The following BLMH variants were observed in gnomAD, a reference collection of about 807,000 sequenced individuals.
BLMH encodes bleomycin hydrolase.
A neutral mutation model predicts 61.6 loss-of-function variants in BLMH; 32 were observed. That is an observed-to-expected ratio of 0.52 (90% CI 0.39 to 0.70). The LOEUF (loss-of-function observed/expected upper bound fraction) is 0.70, where lower values mean the gene tolerates loss of function less well. Among genes scored for constraint, BLMH ranks in the 30% least tolerant of loss-of-function variants. The pLI, the probability that BLMH is intolerant of heterozygous loss-of-function variation, is 0.00. For synonymous variants in BLMH, 183 were observed against 193.8 expected (o/e 0.94, Z 0.46); for missense variants, 460 against 555.5 (o/e 0.83, Z 1.73).
At chr17:30,261,956 A>G (rs1023788223) in intron 11 of BLMH, among the ~76,000 whole-genome samples, 5 of 152,248 alleles carry the variant, frequency 3.3e-5, no homozygotes, top group Admixed American at 3.3e-4. Context: ...AGGAACAGAG[A>G]GGCTCACTTG....
rs1907600523 is a variant in BLMH at position 30,248,955 on chromosome 17, T to C, written c.*62A>G. The C allele has an allele frequency of 6.3e-7, 1 of 1,590,974 alleles. No individual in the cohort carries two copies. The highest frequency in any genetic ancestry group is 8.6e-7 in the Non-Finnish European group (1 of 1,167,822). ...CTTGCATAACTTTGGCTTCAGTCCC[T>C]GGATCTGTCCTTTGCAGCTACGTCA... On this transcript the variant is annotated 3_prime_UTR_variant, in exon 12 of 12. Coordinates refer to ENST00000261714, the MANE Select transcript of BLMH (RefSeq NM_000386.4).
At chr17:30,274,243 G>A in intron 6 of BLMH, 46 bp from the exon 7 acceptor site, 6 of 1,576,944 alleles carry the variant, frequency 3.8e-6, no homozygotes, top group Non-Finnish European at 5.2e-6. Flanking sequence ...AGGGGGAAAT[G>A]TTATTTTTTT....
chr17:30,272,992 C>A, intron 7 of BLMH, 93 bp from the exon 8 acceptor site: 1 of 1,389,424 alleles, frequency 7.2e-7, no homozygotes, highest in Non-Finnish European at 9.9e-7. Context: ...CCATCAAGCT[C>A]ATCATCTCTG....
chr17:30,290,499 T>C (rs1434070281), intron 2 of BLMH, among the ~76,000 whole-genome samples: 1 of 152,232 alleles, frequency 6.6e-6, no homozygotes, highest in East Asian at 1.9e-4. Flanking sequence ...TCAGGTATAA[T>C]GTACATACAA....
intron 5 of BLMH, among the ~76,000 whole-genome samples, chr17:30,285,880 T>G (rs1908713648): frequency 1.3e-5 from 2 of 152,194 alleles, no homozygotes; most frequent in Admixed American, 6.5e-5. Flanking sequence ...CCATTTTTCC[T>G]TCTCTGCCGG....
chr17:30,262,869 G>A (rs773773240), intron 11 of BLMH, among the ~76,000 whole-genome samples: 10 of 152,110 alleles, frequency 6.6e-5, no homozygotes, highest in Non-Finnish European at 1.3e-4. Flanking sequence ...CAAAATTCAG[G>A]GAAATTTTGG....
Position 30,271,236 on chromosome 17 carries a change from T to C in BLMH, c.1146+35A>G, listed in dbSNP as rs372886708. The C allele has an allele frequency of 3.9e-4, 551 of 1,429,584 alleles. 1 individual carries two copies. The highest frequency in any genetic ancestry group is 4.9e-4 in the Non-Finnish European group (496 of 1,012,204). 88.6% of individuals were successfully genotyped at this position (1,429,584 alleles called of 1,614,324 possible). A position where few individuals can be genotyped will look rare whatever the true frequency, so the allele number is the denominator to read the frequency against. The stretch of plus-strand genomic sequence containing the variant: ...CTACAGGAGAATGTAGATCCATCTG[T>C]GCAAACACTCCAGCAGGCATGCTGA... On this transcript the variant is annotated intron_variant, in intron 10 of 11. Coordinates refer to ENST00000261714, the MANE Select transcript of BLMH (RefSeq NM_000386.4).
rs372886708 is a variant in BLMH, at chr17:30,271,236, T to G, written c.1146+35A>C. 4 of 1,429,708 alleles carry G rather than the reference T, an allele frequency of 2.8e-6. No homozygotes were observed. The East Asian group carries it at 9.1e-5, about 33-fold the overall frequency. 88.6% of individuals were successfully genotyped at this position (1,429,708 alleles called of 1,614,324 possible). On this transcript the variant is annotated intron_variant, in intron 10 of 11. Transcript: ENST00000261714. ...CTACAGGAGAATGTAGATCCATCTG[T>G]GCAAACACTCCAGCAGGCATGCTGA...
chr17:30,291,864 T>C lies in BLMH; in HGVS notation c.-45A>G. ...GGGGTAACGGTAGCTTCCAGGGTCC[T>C]TGGGCGAGCGCCGGGATTGCGCTGC... On this transcript the variant is annotated 5_prime_UTR_variant, in exon 1 of 12. Coordinates refer to ENST00000261714, the MANE Select transcript of BLMH (RefSeq NM_000386.4). The C allele has an allele frequency of 7.7e-7, 1 of 1,291,886 alleles. No individual in the cohort carries two copies. Among genetic ancestry groups the C allele is most frequent in the Non-Finnish European group, 9.8e-7 (1 of 1,024,288 alleles). The allele number at this position is 1,291,886 out of a possible 1,614,324, so 80.0% of individuals were successfully genotyped here.
intron 5 of BLMH, 97 bp from the exon 6 acceptor site, chr17:30,285,577 C>G: frequency 1.2e-6 from 1 of 853,136 alleles, no homozygotes; most frequent in African/African-American, 1.7e-5. Flanking sequence ...AGGTATAACT[C>G]AGGCCAGACC....
chr17:30,270,270 C>T (rs1323380203), intron 10 of BLMH, among the ~76,000 whole-genome samples: 1 of 152,088 alleles, frequency 6.6e-6, no homozygotes, highest in Non-Finnish European at 1.5e-5. Flanking sequence ...GAAGCTGAGG[C>T]GGGCAGATCA....
rs760721245 is a variant in BLMH at position 30,287,922 on chromosome 17, C to T, written c.347G>A (p.Ser116Asn). The stretch of plus-strand genomic sequence containing the variant: ...TCTCTGGGCTGTGTCCACAAAAGCA[C>T]TCAAGAAGAAATAACAGCGTTCAAC... ...DKVERCYFFL[S>N]AFVDTAQRKE... The change falls in exon 4 of 12, where the codon AGT (serine) becomes AAT (asparagine). Residue 116 changes from serine (S) to asparagine (N), a missense_variant. Ser to Asn is a conservative substitution (Grantham distance 46, BLOSUM62 1). Around this residue, in one of 5 missense-constraint regions of BLMH, gnomAD observed 43 missense variants for 38.8 expected, o/e 1.11. Coordinates refer to ENST00000261714, the MANE Select transcript of BLMH (RefSeq NM_000386.4). 1.1e-5 allele frequency: 17 copies of T among 1,613,614 alleles called. No homozygotes were observed. In the East Asian group the frequency reaches 3.3e-4, roughly 32 times the overall value.
At chr17:30,254,841 A>G (rs1022775821) in intron 11 of BLMH, among the ~76,000 whole-genome samples, 2 of 152,228 alleles carry the variant, frequency 1.3e-5, no homozygotes, top group Non-Finnish European at 2.9e-5. Flanking sequence ...CATCCTTGAT[A>G]AAGTTTCTGC....
intron 11 of BLMH, among the ~76,000 whole-genome samples, chr17:30,254,004 A>G (rs927913986): frequency 4.6e-5 from 7 of 152,218 alleles, no homozygotes; most frequent in Non-Finnish European, 8.8e-5. Context: ...CAGAAACAGA[A>G]GAGTTTCAAA....
At chr17:30,271,907 G>A (rs752025712) in intron 9 of BLMH, among the ~76,000 whole-genome samples, 1 of 152,140 alleles carries the variant, frequency 6.6e-6, no homozygotes, top group Non-Finnish European at 1.5e-5. Context: ...GCATGTTCTA[G>A]TTAGTGTGAG....
intron 3 of BLMH, among the ~76,000 whole-genome samples, chr17:30,288,455 C>A (rs1431559395): frequency 6.6e-6 from 1 of 152,164 alleles, no homozygotes; most frequent in Admixed American, 6.5e-5. Flanking sequence ...TGAGCTCAAG[C>A]AATCCTCCTA....
chr17:30,264,632 GA>G (rs1908048582), intron 11 of BLMH, among the ~76,000 whole-genome samples: 1 of 152,278 alleles, frequency 6.6e-6, no homozygotes, highest in Admixed American at 6.5e-5. Flanking sequence ...ATTACAGATG[GA>G]AAAATATCGC....
At chr17:30,279,162 C>T (rs867266406) in intron 6 of BLMH, among the ~76,000 whole-genome samples, 1 of 152,182 alleles carries the variant, frequency 6.6e-6, no homozygotes. Context: ...CCTATTAATT[C>T]TAAATCTGGT....
At chr17:30,255,103 A>C (rs1429304250) in intron 11 of BLMH, among the ~76,000 whole-genome samples, 4 of 152,164 alleles carry the variant, frequency 2.6e-5, no homozygotes, top group Admixed American at 2.6e-4. Flanking sequence ...TCTGTAAGTA[A>C]ATCTTCGTGC....
Sources: allele counts gnomAD v4.1 joint callset (sites outside exome capture counted in the v4.1 genomes callset), GRCh38; gene constraint gnomAD v4.1.1; regional missense constraint gnomAD v4.1.1; transcripts MANE v1.5; gene names NCBI Gene and HGNC (gene_info 2026-07-23, HGNC 2026-07-21).